The following UBE3C variants were observed in gnomAD, a reference collection of about 807,000 sequenced individuals.
UBE3C encodes ubiquitin-protein ligase E3C.
UBE3C carries 42 observed loss-of-function variants against 129.4 expected under a neutral mutation model. The ratio of observed to expected loss-of-function variants is 0.32; its 90% CI spans 0.25 to 0.42. The LOEUF (loss-of-function observed/expected upper bound fraction) is 0.42, where lower values mean the gene tolerates loss of function less well. Among genes scored for constraint, UBE3C ranks in the 10% least tolerant of loss-of-function variants. UBE3C has a pLI of 1.00. For missense variants in UBE3C, 1,049 were observed against 1,319.1 expected, an observed-to-expected ratio of 0.80 and a Z score of 3.17; for synonymous variants, 510 against 492.4, an observed-to-expected ratio of 1.04 and a Z score of -0.47.
At chr7:157,197,565 T>G in intron 10 of UBE3C, 1 of 1,395,560 alleles carries the variant, frequency 7.2e-7, no homozygotes, top group Non-Finnish European at 1.0e-6. Context: ...ACACATCATC[T>G]GTTCCCACAT....
At chr7:157,192,863 T>TA (rs35549618) in intron 10 of UBE3C, 58,639 of 734,066 alleles carry the variant, frequency 0.08, 241 homozygotes, top group Non-Finnish European at 0.091. Context: ...GACATGAACT[T>TA]AAAAAAAAAA....
At chr7:157,192,467 G>A (rs1448455109) in intron 10 of UBE3C, 13 of 752,188 alleles carry the variant, frequency 1.7e-5, no homozygotes, top group Non-Finnish European at 2.9e-5. Context: ...CCAGGATAAG[G>A]AAGGAATTCC....
intron 18 of UBE3C, among the ~76,000 whole-genome samples, chr7:157,240,910 C>A (rs1042085958): frequency 1.1e-4 from 17 of 152,238 alleles, no homozygotes; most frequent in African/African-American, 3.6e-4. Flanking sequence ...ACAGATGTCA[C>A]CAAAAATTAT....
chr7:157,232,612 A>C (rs1281899809), intron 18 of UBE3C, among the ~76,000 whole-genome samples: 1 of 152,226 alleles, frequency 6.6e-6, no homozygotes, highest in Non-Finnish European at 1.5e-5. Flanking sequence ...TTGTCCTACC[A>C]AAGTGCTGGG....
chr7:157,230,350 C>T (rs1339243256), intron 17 of UBE3C, among the ~76,000 whole-genome samples: 1 of 151,128 alleles, frequency 6.6e-6, no homozygotes, highest in African/African-American at 2.4e-5. Context: ...GAATAATTGT[C>T]TTGGGCCACA....
chr7:157,187,493 C>T (rs1432657779), intron 10 of UBE3C, among the ~76,000 whole-genome samples: 2 of 151,316 alleles, frequency 1.3e-5, no homozygotes, highest in African/African-American at 4.9e-5. Flanking sequence ...GCGATCCTTT[C>T]ACCCCAACCT....
chr7:157,207,750 C>G lies in UBE3C; in HGVS notation c.1624C>G (p.Leu542Val), dbSNP rs1416117934. The G allele has an allele frequency of 5.0e-6, 8 of 1,613,914 alleles. No homozygotes were observed. Among genetic ancestry groups the G allele is most frequent in the African/African-American group, 4.0e-5 (3 of 74,898 alleles). ...SSMMPFTLEE[L>V]IMLSRCLRDA... ...AATGATGCCTTTTACTTTAGAAGAG[C>G]TGATAATGTTGTCTCGATGCCTTCG... Residue 542 changes from leucine (L) to valine (V), a missense_variant, in exon 13 of 23, where the codon CTG becomes GTG. Leu to Val is a conservative substitution (Grantham distance 32, BLOSUM62 1). This residue lies in a region of UBE3C where 314 missense variants were observed against 416.9 expected (regional missense o/e 0.75). Transcript: ENST00000348165.
chr7:157,163,926 T>A (rs763028498), intron 2 of UBE3C, 63 bp downstream of exon 2: 529 of 1,477,836 alleles, frequency 3.6e-4, no homozygotes, highest in Non-Finnish European at 3.4e-4. Flanking sequence ...AAACATGCCT[T>A]GGTTTTACTG....
At chr7:157,142,310 T>G (rs932957316) in intron 1 of UBE3C, among the ~76,000 whole-genome samples, 5 of 152,222 alleles carry the variant, frequency 3.3e-5, no homozygotes, top group Non-Finnish European at 7.3e-5. Context: ...TTGAATAAGC[T>G]TTTTCTTTTT....
chr7:157,204,571 A>G (rs904550040), intron 11 of UBE3C, among the ~76,000 whole-genome samples: 2 of 152,032 alleles, frequency 1.3e-5, no homozygotes, highest in African/African-American at 4.8e-5. Context: ...CATTTAAACA[A>G]TCTCCAGATG....
chr7:157,196,514 G>A (rs62493393), intron 10 of UBE3C, among the ~76,000 whole-genome samples: 7,000 of 152,276 alleles, frequency 0.046, 215 homozygotes, highest in Non-Finnish European at 0.071. Flanking sequence ...TGGAGAAGAC[G>A]TTCTAGGTTG....
chr7:157,198,506 C>T (rs1809187075), intron 10 of UBE3C: 2 of 377,476 alleles, frequency 5.3e-6, no homozygotes, highest in South Asian at 2.7e-5. Flanking sequence ...CGCCGCCCTC[C>T]GCCATCTTCC....
chr7:157,237,022 A>G (rs1636602), intron 18 of UBE3C, among the ~76,000 whole-genome samples: 145,299 of 152,284 alleles, frequency 0.95, 69,370 homozygotes, highest in East Asian at 0.99. Flanking sequence ...GTGAGCCAGC[A>G]CACCCGGCAA....
intron 10 of UBE3C, chr7:157,197,601 T>C: frequency 6.3e-7 from 1 of 1,599,142 alleles, no homozygotes; most frequent in Non-Finnish European, 8.6e-7. Context: ...GGAACAATAT[T>C]ATTTTAGTTG....
chr7:157,183,894 A>G lies in UBE3C; in HGVS notation c.1008A>G (p.Glu336=). The change falls in exon 9 of 23, where the codon GAA becomes GAG. Residue 336 remains glutamate, a synonymous_variant. Transcript: ENST00000348165. Reference sequence around the variant, plus strand: ...TTTGCAAAGGGGCCCTCTCTGAGGAAGGGCTGCTGGTGTATTTGCGGGTGC... The same window carrying G: ...TTTGCAAAGGGGCCCTCTCTGAGGAGGGGCTGCTGGTGTATTTGCGGGTGC... ...GENYLGALSE[E]GLLVYLRVLQ... is the part of the protein sequence containing the mutation. 1 of 1,613,684 alleles carries G rather than the reference A, an allele frequency of 6.2e-7. No individual in the cohort carries two copies. Among genetic ancestry groups the G allele is most frequent in the Non-Finnish European group, 8.5e-7 (1 of 1,179,724 alleles).
intron 11 of UBE3C, among the ~76,000 whole-genome samples, chr7:157,204,397 T>TAAA (rs1809374148): frequency 2.1e-5 from 2 of 93,102 alleles, no homozygotes; most frequent in Admixed American, 1.3e-4. Context: ...AAACTTTGTT[T>TAAA]CAAAAAAAAA....
At chr7:157,264,183 A>G (rs1797003192) in intron 22 of UBE3C, among the ~76,000 whole-genome samples, 1 of 146,152 alleles carries the variant, frequency 6.8e-6, no homozygotes, top group African/African-American at 2.6e-5. Context: ...TCGGCCTGTT[A>G]AGCACAGAGA....
At chr7:157,207,262 G>A in intron 11 of UBE3C, 136 bp from the exon 12 acceptor site, 1 of 1,224,250 alleles carries the variant, frequency 8.2e-7, no homozygotes, top group Non-Finnish European at 1.1e-6. Context: ...ACTTTACCTT[G>A]CCTTTAAATA....
intron 5 of UBE3C, among the ~76,000 whole-genome samples, chr7:157,177,304 A>G (rs370871173): frequency 6.6e-6 from 1 of 152,266 alleles, no homozygotes; most frequent in African/African-American, 2.4e-5. Context: ...CTCTTTTTCA[A>G]GAGTCTGTTC....
Sources: gnomAD v4.1 joint callset for allele counts (sites outside exome capture counted in the v4.1 genomes callset) on GRCh38, gnomAD v4.1.1 for gene constraint, gnomAD v4.1.1 regional missense constraint, MANE v1.5 for transcripts, NCBI Gene and HGNC (gene_info 2026-07-23, HGNC 2026-07-21) for gene names.